The following CLUL1 variants were observed in gnomAD, a reference collection of about 807,000 sequenced individuals.
CLUL1 encodes the protein clusterin like 1.
A neutral mutation model predicts 49.4 loss-of-function variants in CLUL1; 43 were observed. That is an observed-to-expected ratio of 0.87 (90% CI 0.68 to 1.12). The LOEUF (loss-of-function observed/expected upper bound fraction) is 1.12, where lower values mean the gene tolerates loss of function less well. CLUL1 is among the 50% of genes most tolerant of loss of function. The probability of loss-of-function intolerance (pLI) is 0.00; values close to 1 mark genes in which losing one functional copy is unlikely to be tolerated. For synonymous variants in CLUL1, 192 were observed against 184.9 expected (o/e 1.04, Z -0.31); for missense variants, 486 against 544.4 (o/e 0.89, Z 1.07).
At chr18:638,789 C>T (rs532120451) in intron 7 of CLUL1, among the ~76,000 whole-genome samples, 34 of 151,832 alleles carry the variant, frequency 2.2e-4, no homozygotes, top group African/African-American at 7.7e-4. Flanking sequence ...AACCAGAAGC[C>T]GGAGGTTGCA....
Position 601,795 on chromosome 18 carries a change from C to T in CLUL1, c.-136+4666C>T, listed in dbSNP as rs570959828. On this transcript the variant is annotated intron_variant, in intron 1 of 9. Transcript: ENST00000692774. ...CTGCACTCCAGCCTGGGTGTCACAG[C>T]GAGACTCCATCTCAAAAAATAAAAA... Among the ~76,000 whole-genome samples, 19 of 151,778 alleles carry T rather than the reference C, an allele frequency of 1.3e-4. No homozygotes were observed. The East Asian group carries it at 2.9e-3, about 23-fold the overall frequency.
intron 4 of CLUL1, among the ~76,000 whole-genome samples, chr18:621,329 A>T (rs1214249372): frequency 2.6e-5 from 4 of 152,150 alleles, no homozygotes; most frequent in African/African-American, 9.7e-5. Context: ...CCGTTAAGCA[A>T]CTGGAGCCGG....
chr18:633,032 C>G (rs898865945), intron 6 of CLUL1, among the ~76,000 whole-genome samples: 1 of 152,130 alleles, frequency 6.6e-6, no homozygotes, highest in Non-Finnish European at 1.5e-5. Flanking sequence ...TGGCTCTCAC[C>G]TGTAATCCCA....
intron 6 of CLUL1, among the ~76,000 whole-genome samples, chr18:633,084 G>C (rs2074033908): frequency 1.3e-5 from 2 of 152,184 alleles, no homozygotes; most frequent in African/African-American, 4.8e-5. Context: ...TTGAACCCGG[G>C]AGGCAGAGGT....
chr18:615,474 A>G (rs2073260647), intron 2 of CLUL1, among the ~76,000 whole-genome samples: 1 of 152,224 alleles, frequency 6.6e-6, no homozygotes, highest in South Asian at 2.1e-4. Flanking sequence ...AAGAACACGC[A>G]GATGCCAGCC....
intron 9 of CLUL1, among the ~76,000 whole-genome samples, chr18:646,493 GATAGACACACAC>G (rs1390612126): frequency 7.7e-5 from 8 of 104,490 alleles, no homozygotes; most frequent in African/African-American, 2.4e-4. Flanking sequence ...AAGACAGATA[GATAGACACACAC>G]ACACACACAC....
chr18:598,723 G>A (rs2072731354), intron 1 of CLUL1: 1 of 394,262 alleles, frequency 2.5e-6, no homozygotes, highest in South Asian at 1.4e-4. Context: ...TCTGCACTTT[G>A]AAGAATTTGA....
At chr18:633,673 CTG>C (rs1282584338) in intron 7 of CLUL1, among the ~76,000 whole-genome samples, 1 of 152,184 alleles carries the variant, frequency 6.6e-6, no homozygotes. Flanking sequence ...GCCCCTGCTG[CTG>C]TGTGGTTCCC....
chr18:633,123 C>G (rs2074034732), intron 6 of CLUL1, among the ~76,000 whole-genome samples, 175 bp from the exon 7 acceptor site: 2 of 152,148 alleles, frequency 1.3e-5, no homozygotes, highest in Admixed American at 1.3e-4. Context: ...CGCCACTGCA[C>G]TTTAGCCTGG....
chr18:627,074 C>T, intron 5 of CLUL1, 23 bp from the exon 6 acceptor site: 1 of 1,413,138 alleles, frequency 7.1e-7, no homozygotes, highest in Non-Finnish European at 9.7e-7. Context: ...TATTCCATTT[C>T]TGTCCCCTAC....
chr18:636,980 T>C (rs56080495), intron 7 of CLUL1, among the ~76,000 whole-genome samples: 3 of 149,554 alleles, frequency 2.0e-5, no homozygotes, highest in South Asian at 2.1e-4. Context: ...TTTTGTTTTG[T>C]TTTGTTTTTG....
At chr18:603,549 C>T (rs1347035189) in intron 1 of CLUL1, among the ~76,000 whole-genome samples, 1 of 152,146 alleles carries the variant, frequency 6.6e-6, no homozygotes, top group African/African-American at 2.4e-5. Flanking sequence ...ACCCAGCCTC[C>T]TCCATCATTA....
chr18:646,495 T>G (rs73943343), intron 9 of CLUL1, among the ~76,000 whole-genome samples: 1 of 77,928 alleles, frequency 1.3e-5, no homozygotes. Context: ...GACAGATAGA[T>G]AGACACACAC....
At chr18:646,286 G>T (rs1159028207) in intron 9 of CLUL1, among the ~76,000 whole-genome samples, 1 of 151,788 alleles carries the variant, frequency 6.6e-6, no homozygotes, top group Non-Finnish European at 1.5e-5. Flanking sequence ...AATTAAGCCA[G>T]ATGTGACAGG....
At position 649,985 on chromosome 18, in the gene CLUL1, G is replaced by T; in HGVS notation, c.*84G>T. On this transcript the variant is annotated 3_prime_UTR_variant, in exon 10 of 10. Transcript: ENST00000692774. ...AAATCCTGAAATAAAAAAGGATAAT[G>T]CAATAAACACAGTTGCAGGAAAGTA... 1.1e-6 allele frequency: 1 copy of T among 935,794 alleles called. No individual in the cohort carries two copies. 58.0% of individuals were successfully genotyped at this position (935,794 alleles called of 1,614,324 possible). A position where few individuals can be genotyped will look rare whatever the true frequency, so the allele number is the denominator to read the frequency against.
intron 9 of CLUL1, among the ~76,000 whole-genome samples, chr18:646,370 AAT>A (rs2074507807): frequency 6.6e-6 from 1 of 151,206 alleles, no homozygotes; most frequent in African/African-American, 2.4e-5. Context: ...TCAGCCAACC[AAT>A]ATCTTTTTAG....
intron 9 of CLUL1, among the ~76,000 whole-genome samples, chr18:648,906 C>T (rs948895181): frequency 1.3e-5 from 2 of 152,188 alleles, no homozygotes; most frequent in East Asian, 1.9e-4. Flanking sequence ...GATCCTTCCA[C>T]CTCAGCCTCC....
At chr18:623,932 G>A (rs899701806) in intron 4 of CLUL1, among the ~76,000 whole-genome samples, 1 of 152,186 alleles carries the variant, frequency 6.6e-6, no homozygotes, top group African/African-American at 2.4e-5. Flanking sequence ...TTAGCTCTGA[G>A]GCTGTCTTCT....
At chr18:608,838 A>C (rs754629164) in intron 2 of CLUL1, among the ~76,000 whole-genome samples, 9 of 152,264 alleles carry the variant, frequency 5.9e-5, no homozygotes, top group Admixed American at 2.0e-4. Context: ...AAGAGTTTTC[A>C]TAAGGCCTGT....
Sources: allele counts gnomAD v4.1 joint callset (sites outside exome capture counted in the v4.1 genomes callset), GRCh38; gene constraint gnomAD v4.1.1; transcripts MANE v1.5; gene names NCBI Gene and HGNC (gene_info 2026-07-23, HGNC 2026-07-21).